The following PTPRT variants were observed in gnomAD, a reference collection of about 807,000 sequenced individuals.
PTPRT encodes the protein protein tyrosine phosphatase receptor type T.
Under a neutral mutation model 176.8 loss-of-function variants are expected in PTPRT, and 56 were observed. That is an observed-to-expected ratio of 0.32 (90% confidence interval 0.26 to 0.40). PTPRT has a LOEUF of 0.40. Ranked by LOEUF, PTPRT falls within the 10% of genes least tolerant of loss-of-function variation. PTPRT has a pLI of 1.00. For missense variants in PTPRT, 1,540 were observed against 1,908.2 expected (o/e 0.81, Z 3.60); for synonymous variants, 783 against 739.0 (o/e 1.06, Z -0.96).
At chr20:42,990,989 T>C (rs1255231566) in intron 1 of PTPRT, among the ~76,000 whole-genome samples, 1 of 152,184 alleles carries the variant, frequency 6.6e-6, no homozygotes, top group East Asian at 1.9e-4. Context: ...AAGGGTATTA[T>C]ATTAGAAAAT....
chr20:42,906,056 A>G (rs1056745453), intron 1 of PTPRT, among the ~76,000 whole-genome samples: 19 of 152,142 alleles, frequency 1.2e-4, no homozygotes, highest in Non-Finnish European at 4.4e-5. Flanking sequence ...TAAAGTATAT[A>G]TATATAAAAA....
At chr20:42,939,724 A>G (rs1980424635) in intron 1 of PTPRT, among the ~76,000 whole-genome samples, 1 of 152,222 alleles carries the variant, frequency 6.6e-6, no homozygotes, top group Non-Finnish European at 1.5e-5. Flanking sequence ...AGTAAGAAAA[A>G]AAGACACTAA....
At chr20:42,935,007 G>A (rs935891335) in intron 1 of PTPRT, among the ~76,000 whole-genome samples, 4 of 150,624 alleles carry the variant, frequency 2.7e-5, no homozygotes, top group African/African-American at 7.3e-5. Context: ...AACCCAGGAG[G>A]TGGAGGTTGC....
At chr20:42,463,590 C>A (rs1331542046) in intron 8 of PTPRT, among the ~76,000 whole-genome samples, 1 of 152,104 alleles carries the variant, frequency 6.6e-6, no homozygotes, top group East Asian at 1.9e-4. Context: ...TTCTCCTCTC[C>A]TCTCCCCTTT....
At chr20:42,454,834 C>G (rs968392993) in intron 8 of PTPRT, among the ~76,000 whole-genome samples, 6 of 152,154 alleles carry the variant, frequency 3.9e-5, no homozygotes, top group African/African-American at 1.4e-4. Context: ...GATGGCCTGC[C>G]TATATCCCAC....
intron 7 of PTPRT, among the ~76,000 whole-genome samples, chr20:42,654,931 C>A (rs144226798): frequency 3.9e-5 from 6 of 152,314 alleles, no homozygotes; most frequent in African/African-American, 1.4e-4. Flanking sequence ...TATCTTATTG[C>A]ATTAATGTTA....
At chr20:42,936,937 C>T (rs1980226715) in intron 1 of PTPRT, among the ~76,000 whole-genome samples, 1 of 152,104 alleles carries the variant, frequency 6.6e-6, no homozygotes, top group South Asian at 2.1e-4. Context: ...AAAGTTAGAA[C>T]CTCTGAAAGC....
Position 42,315,932 on chromosome 20 carries a change from C to T in PTPRT, c.1930G>A (p.Glu644Lys), listed in dbSNP as rs760526085. 2 of 1,614,118 alleles carry T rather than the reference C, an allele frequency of 1.2e-6. No individual in the cohort carries two copies. The highest frequency in any genetic ancestry group is 3.3e-5 in the Admixed American group (2 of 60,020). Reference sequence around the variant, plus strand: ...TAGCTCACGGGCACCGAAAAGCACTCAATAATGTCAGCTGCCCTCCGTGAC... The same window carrying T: ...TAGCTCACGGGCACCGAAAAGCACTTAATAATGTCAGCTGCCCTCCGTGAC... ...QKSRRAADII[E>K]CFSVPVSYRN... Residue 644 changes from glutamate to lysine, a missense_variant, in exon 12 of 31, where the codon GAG becomes AAG. Physicochemically the swap from Glu to Lys is moderately conservative, Grantham distance 56 (BLOSUM62 1). This residue lies in a region of PTPRT where 81 missense variants were observed against 89.9 expected (regional missense o/e 0.90). Coordinates refer to ENST00000373187, the MANE Select transcript of PTPRT (RefSeq NM_007050.6).
At chr20:42,539,704 C>T (rs2145573990) in intron 7 of PTPRT, among the ~76,000 whole-genome samples, 1 of 146,304 alleles carries the variant, frequency 6.8e-6, no homozygotes, top group Admixed American at 6.8e-5. Flanking sequence ...AGAGAGATAA[C>T]AGACCATATT....
chr20:43,043,643 G>A (rs953472196), intron 1 of PTPRT, among the ~76,000 whole-genome samples: 10 of 152,088 alleles, frequency 6.6e-5, no homozygotes, highest in African/African-American at 1.7e-4. Flanking sequence ...ATCCTAACCC[G>A]CTTCATTCCT....
chr20:42,662,832 A>AGT (rs2075247786), intron 7 of PTPRT, among the ~76,000 whole-genome samples: 1 of 17,656 alleles, frequency 5.7e-5, no homozygotes, highest in African/African-American at 7.2e-4. Context: ...TGATTCACTA[A>AGT]CTAATAAAAA....
chr20:42,665,010 A>T (rs1160721287), intron 7 of PTPRT, among the ~76,000 whole-genome samples: 1 of 152,182 alleles, frequency 6.6e-6, no homozygotes, highest in Non-Finnish European at 1.5e-5. Context: ...AAGAAAACCT[A>T]GGCAATACCA....
At chr20:43,037,272 T>G (rs548733109) in intron 1 of PTPRT, among the ~76,000 whole-genome samples, 1 of 152,354 alleles carries the variant, frequency 6.6e-6, no homozygotes, top group East Asian at 1.9e-4. Context: ...GCTAGGAAAC[T>G]ACATCTCCTA....
intron 7 of PTPRT, among the ~76,000 whole-genome samples, chr20:42,593,715 C>T (rs1037711180): frequency 6.6e-6 from 1 of 152,186 alleles, no homozygotes; most frequent in Non-Finnish European, 1.5e-5. Flanking sequence ...ATGGCAGTCC[C>T]GATTGCACAA....
chr20:43,112,096 AAATT>A (rs1214114407), intron 1 of PTPRT, among the ~76,000 whole-genome samples: 1 of 152,204 alleles, frequency 6.6e-6, no homozygotes, highest in Non-Finnish European at 1.5e-5. Context: ...AAAGAAACCC[AAATT>A]ACCTCTATTG....
intron 6 of PTPRT, 60 bp from the exon 7 acceptor site, chr20:42,678,219 A>G (rs2146070353): frequency 6.6e-7 from 1 of 1,504,552 alleles, no homozygotes; most frequent in South Asian, 1.2e-5. Flanking sequence ...AGCAGACTAC[A>G]AGCACATGAC....
chr20:42,164,709 G>A (rs1389005438), intron 16 of PTPRT, among the ~76,000 whole-genome samples: 3 of 152,254 alleles, frequency 2.0e-5, no homozygotes, highest in South Asian at 2.1e-4. Context: ...GTAATGCTAC[G>A]TTTTTATCAG....
chr20:43,173,951 C>T (rs1290094606), intron 1 of PTPRT, among the ~76,000 whole-genome samples: 1 of 152,188 alleles, frequency 6.6e-6, no homozygotes, highest in Non-Finnish European at 1.5e-5. Context: ...TGTGACCAAG[C>T]CCTTGAACCT....
chr20:42,600,988 A>G (rs188447124), intron 7 of PTPRT, among the ~76,000 whole-genome samples: 38 of 152,212 alleles, frequency 2.5e-4, no homozygotes, highest in Admixed American at 2.4e-3. Flanking sequence ...TCCTGAGTCA[A>G]TGTCAAGGCA....
Sources: allele counts gnomAD v4.1 joint callset (sites outside exome capture counted in the v4.1 genomes callset), GRCh38; gene constraint gnomAD v4.1.1; regional missense constraint gnomAD v4.1.1; transcripts MANE v1.5; gene names NCBI Gene and HGNC (gene_info 2026-07-23, HGNC 2026-07-21).